Variants in CATSPER4 observed in about 807,000 individuals in gnomAD.
The protein encoded by CATSPER4 is cation channel sperm-associated protein 4.
CATSPER4 carries 46 observed loss-of-function variants against 54.4 expected under a neutral mutation model. The observed-to-expected ratio is 0.84, with a 90% confidence interval of 0.67 to 1.08. The LOEUF is 1.08. Ranked by LOEUF, CATSPER4 falls within the 50% of genes least tolerant of loss-of-function variation. The probability of loss-of-function intolerance (pLI) is 0.00; values close to 1 mark genes in which losing one functional copy is unlikely to be tolerated. For synonymous variants in CATSPER4, 230 were observed against 231.9 expected (o/e 0.99, Z 0.08); for missense variants, 574 against 612.8 (o/e 0.94, Z 0.67).
At chr1:26,201,164 C>T in intron 8 of CATSPER4, 123 bp downstream of exon 8, 1 of 989,352 alleles carries the variant, frequency 1.0e-6, no homozygotes, top group Non-Finnish European at 1.6e-6. Flanking sequence ...CAGAGGTCCC[C>T]CACCCTATTG....
chr1:26,201,690 C>CTT (rs57008544), intron 9 of CATSPER4, 171 bp downstream of exon 9: 150,572 of 376,546 alleles, frequency 0.4, 21,195 homozygotes, highest in Non-Finnish European at 0.45. Flanking sequence ...TCTTTCTTTC[C>CTT]TTTTTTTTTT....
intron 6 of CATSPER4, 143 bp from the exon 7 acceptor site, chr1:26,199,741 G>T (rs1387307852): frequency 1.2e-6 from 1 of 844,504 alleles, no homozygotes; most frequent in Non-Finnish European, 1.9e-6. Context: ...ATTGAGACAG[G>T]AGTAGGGAAT....
chr1:26,194,745 G>C (rs537133641), intron 3 of CATSPER4, among the ~76,000 whole-genome samples: 1 of 152,156 alleles, frequency 6.6e-6, no homozygotes, highest in African/African-American at 2.4e-5. Context: ...AGGAGGACTT[G>C]TGCTTACTGG....
Position 26,202,831 on chromosome 1 carries a change from G to A in CATSPER4, c.*289G>A, listed in dbSNP as rs2089022236. 1 of 503,208 alleles carries A rather than the reference G, an allele frequency of 2.0e-6. No homozygotes were observed. Among genetic ancestry groups the A allele is most frequent in the Non-Finnish European group, 3.6e-6 (1 of 277,714 alleles). The allele number at this position is 503,208 out of a possible 1,614,324, so 31.2% of individuals were successfully genotyped here. On this transcript the variant is annotated 3_prime_UTR_variant, in exon 10 of 10. Coordinates refer to ENST00000456354, the MANE Select transcript of CATSPER4 (RefSeq NM_198137.2). The stretch of plus-strand genomic sequence containing the variant: ...CCAACGCAGCCAGGATTTGACCTAA[G>A]GATGGGGATCCCTGGCCCCCTGCTC...
At chr1:26,197,808 G>A in intron 4 of CATSPER4, 25 bp downstream of exon 4, 1 of 1,608,562 alleles carries the variant, frequency 6.2e-7, no homozygotes, top group Non-Finnish European at 8.5e-7. Context: ...CTGGAGAAAT[G>A]AGGGGGACCT....
chr1:26,194,727 G>A (rs142168457), intron 3 of CATSPER4, among the ~76,000 whole-genome samples: 94 of 152,300 alleles, frequency 6.2e-4, no homozygotes, highest in Middle Eastern at 3.4e-3. Flanking sequence ...GACTCAGTAC[G>A]AGAGGCCAGG....
intron 6 of CATSPER4, among the ~76,000 whole-genome samples, chr1:26,199,196 G>T (rs1372030978): frequency 2.0e-5 from 3 of 152,112 alleles, no homozygotes; most frequent in African/African-American, 7.2e-5. Context: ...CCAGCACTTT[G>T]GGAGGCTGAG....
At position 26,190,786 on chromosome 1, in the gene CATSPER4, C is replaced by G. The variant is rs750774174; in HGVS notation, c.159C>G (p.Tyr53Ter). 5 of 1,613,256 alleles carry G rather than the reference C, an allele frequency of 3.1e-6. No individual in the cohort carries two copies. In the South Asian group the frequency reaches 4.4e-5, roughly 14 times the overall value. The change falls in exon 1 of 10, where the codon TAC (tyrosine) becomes TAG (stop). Residue 53 changes from tyrosine to a stop codon, truncating the protein, a stop_gained. Coordinates refer to ENST00000456354, the MANE Select transcript of CATSPER4 (RefSeq NM_198137.2). LOFTEE classifies it high-confidence loss of function. The part of the protein sequence containing the change: ...SPLQSTIHES[Y>*]GRPEEQVLIN... ...TGCAGAGTACCATTCACGAGTCCTA[C>G]GGTCGGCCAGAGGAGCAAGTGCTCA...
chr1:26,200,769 A>G (rs12120359), intron 7 of CATSPER4, 61 bp from the exon 8 acceptor site: 311,173 of 1,328,244 alleles, frequency 0.23, 38,773 homozygotes, highest in African/African-American at 0.36. Flanking sequence ...AAGCAGGAAA[A>G]GGGTGCCGGG....
intron 9 of CATSPER4, among the ~76,000 whole-genome samples, chr1:26,202,151 G>A (rs2089016000): frequency 6.6e-6 from 1 of 152,212 alleles, no homozygotes; most frequent in East Asian, 1.9e-4. Context: ...CTCAGTGCCT[G>A]CCTAGTGGCA....
At chr1:26,191,013 C>A (rs981068948) in intron 1 of CATSPER4, among the ~76,000 whole-genome samples, 173 bp downstream of exon 1, 1 of 152,112 alleles carries the variant, frequency 6.6e-6, no homozygotes, top group Non-Finnish European at 1.5e-5. Flanking sequence ...CAATGCCCCC[C>A]ATAGGAACCC....
At chr1:26,198,128 T>C (rs776229141) in intron 5 of CATSPER4, 51 bp downstream of exon 5, 1 of 1,614,048 alleles carries the variant, frequency 6.2e-7, no homozygotes, top group Non-Finnish European at 8.5e-7. Flanking sequence ...AACAGGGCCC[T>C]TGGGTCATTG....
intron 3 of CATSPER4, among the ~76,000 whole-genome samples, chr1:26,195,055 G>A (rs985083218): frequency 6.6e-6 from 1 of 152,190 alleles, no homozygotes; most frequent in Non-Finnish European, 1.5e-5. Context: ...CTGCACTCCA[G>A]CCTGGGCGAC....
At chr1:26,192,680 G>A (rs764273819) in intron 2 of CATSPER4, among the ~76,000 whole-genome samples, 10 of 151,860 alleles carry the variant, frequency 6.6e-5, no homozygotes, top group Non-Finnish European at 1.3e-4. Context: ...TCCAGCCTTG[G>A]CCTCCCAAAG....
intron 9 of CATSPER4, among the ~76,000 whole-genome samples, 171 bp from the exon 10 acceptor site, chr1:26,202,318 A>G (rs2089017155): frequency 6.6e-6 from 1 of 151,992 alleles, no homozygotes; most frequent in African/African-American, 2.4e-5. Context: ...CCTGGGATAT[A>G]CCCTGGGCTC....
intron 3 of CATSPER4, among the ~76,000 whole-genome samples, chr1:26,196,600 A>G (rs2088941800): frequency 2.0e-5 from 3 of 151,476 alleles, no homozygotes; most frequent in Admixed American, 1.3e-4. Flanking sequence ...TTGTAGAGAC[A>G]GGGTTTCACC....
chr1:26,196,848 G>A (rs774552060), intron 3 of CATSPER4, among the ~76,000 whole-genome samples: 1 of 151,486 alleles, frequency 6.6e-6, no homozygotes, highest in African/African-American at 2.4e-5. Context: ...TCTCATTCCT[G>A]TGTAAGTGTC....
Position 26,197,987 on chromosome 1 carries a change from G to T in CATSPER4, c.588G>T (p.Ala196=), listed in dbSNP as rs754194262. The change falls in exon 5 of 10, where the codon GCG becomes GCT. Residue 196 remains alanine, a synonymous_variant. Coordinates refer to ENST00000456354, the MANE Select transcript of CATSPER4 (RefSeq NM_198137.2). Reference sequence around the variant, plus strand: ...TTCGTCTGGTGCATGTGTGCATGGCGGTGGAGCCCCTCGCCCGGATCATCC... The same window carrying T: ...TTCGTCTGGTGCATGTGTGCATGGCTGTGGAGCCCCTCGCCCGGATCATCC... ...RALRLVHVCM[A]VEPLARIIRV... is the part of the protein sequence containing the mutation. 6.2e-7 allele frequency: 1 copy of T among 1,613,766 alleles called. No individual in the cohort carries two copies. The highest frequency in any genetic ancestry group is 2.2e-5 in the East Asian group (1 of 44,866).
At chr1:26,195,505 T>TC (rs1344296453) in intron 3 of CATSPER4, among the ~76,000 whole-genome samples, 3 of 42,500 alleles carry the variant, frequency 7.1e-5, no homozygotes, top group Admixed American at 3.2e-4. Flanking sequence ...TTTTTCTTTT[T>TC]CTTTTTTTTT....
Sources: gnomAD v4.1 joint callset for allele counts (sites outside exome capture counted in the v4.1 genomes callset) on GRCh38, gnomAD v4.1.1 for gene constraint, MANE v1.5 for transcripts, NCBI Gene and HGNC (gene_info 2026-07-23, HGNC 2026-07-21) for gene names.